The following COG5 variants were observed in gnomAD, a reference collection of about 807,000 sequenced individuals.
COG5 encodes component of oligomeric golgi complex 5, also known as conserved oligomeric Golgi complex subunit 5.
Under a neutral mutation model 110.4 loss-of-function variants are expected in COG5, and 86 were observed. That is an observed-to-expected ratio of 0.78 (90% CI 0.65 to 0.93). The LOEUF (loss-of-function observed/expected upper bound fraction) is 0.93, where lower values mean the gene tolerates loss of function less well. COG5 is among the 40% of genes least tolerant of loss of function. COG5 has a pLI of 0.00. For synonymous variants in COG5, 360 were observed against 334.6 expected, an observed-to-expected ratio of 1.08 and a Z score of -0.83; for missense variants, 1,077 against 987.0, an observed-to-expected ratio of 1.09 and a Z score of -1.22.
At chr7:107,261,895 ATTTT>A (rs372803824) in intron 14 of COG5, among the ~76,000 whole-genome samples, 3 of 138,916 alleles carry the variant, frequency 2.2e-5, no homozygotes, top group African/African-American at 7.9e-5. Flanking sequence ...CTTCTCTTTG[ATTTT>A]TTTTTTTTTT....
At chr7:107,515,313 G>T (rs1303862919) in intron 6 of COG5, among the ~76,000 whole-genome samples, 3 of 151,900 alleles carry the variant, frequency 2.0e-5, no homozygotes, top group African/African-American at 7.3e-5. Flanking sequence ...TAAAAATCTT[G>T]CTAGATATAT....
intron 11 of COG5, among the ~76,000 whole-genome samples, chr7:107,323,740 A>G (rs1809515215): frequency 6.6e-6 from 1 of 152,036 alleles, no homozygotes. Context: ...CAGTGGCTAA[A>G]TAATATTTAG....
intron 6 of COG5, among the ~76,000 whole-genome samples, chr7:107,426,687 A>G (rs974521099): frequency 6.6e-6 from 1 of 152,178 alleles, no homozygotes; most frequent in Admixed American, 6.5e-5. Flanking sequence ...ATTAGGAGGT[A>G]AGAATTTCAA....
intron 5 of COG5, among the ~76,000 whole-genome samples, chr7:107,539,332 T>A (rs1428019085): frequency 6.6e-6 from 1 of 152,212 alleles, no homozygotes; most frequent in Non-Finnish European, 1.5e-5. Flanking sequence ...GTTCTTTTAC[T>A]TAAAGTTGCA....
chr7:107,340,631 A>G (rs939004863), intron 10 of COG5, among the ~76,000 whole-genome samples: 1 of 152,226 alleles, frequency 6.6e-6, no homozygotes, highest in Non-Finnish European at 1.5e-5. Context: ...AAAAATTCCC[A>G]ACAAAATACT....
At chr7:107,364,430 A>T (rs1346291200) in intron 8 of COG5, among the ~76,000 whole-genome samples, 1 of 152,226 alleles carries the variant, frequency 6.6e-6, no homozygotes, top group Non-Finnish European at 1.5e-5. Flanking sequence ...TAAAATTTTG[A>T]GTATGAACTG....
chr7:107,513,028 A>G (rs1327488561), intron 6 of COG5, among the ~76,000 whole-genome samples: 1 of 152,142 alleles, frequency 6.6e-6, no homozygotes, highest in African/African-American at 2.4e-5. Flanking sequence ...AATGGCAACA[A>G]AAGACAAAAT....
intron 11 of COG5, among the ~76,000 whole-genome samples, chr7:107,320,058 T>G (rs1353436340): frequency 6.6e-6 from 1 of 152,132 alleles, no homozygotes; most frequent in Non-Finnish European, 1.5e-5. Flanking sequence ...GAGTGTGACA[T>G]GTTGGAAAAG....
intron 10 of COG5, among the ~76,000 whole-genome samples, chr7:107,337,107 T>TA (rs1810769295): frequency 6.6e-6 from 1 of 152,050 alleles, no homozygotes. Flanking sequence ...GATATGACCT[T>TA]ACCCCAGTTA....
At chr7:107,533,221 C>T (rs368135298) in intron 5 of COG5, among the ~76,000 whole-genome samples, 1 of 150,016 alleles carries the variant, frequency 6.7e-6, no homozygotes, top group East Asian at 2.0e-4. Flanking sequence ...AAAACCAGCA[C>T]AAAAAGGCTG....
intron 7 of COG5, among the ~76,000 whole-genome samples, chr7:107,377,372 T>C (rs924416224): frequency 7.2e-5 from 11 of 152,220 alleles, no homozygotes; most frequent in East Asian, 1.9e-4. Flanking sequence ...ATACTTAATA[T>C]TGTCTTAACT....
At chr7:107,293,360 C>G (rs1011947234) in intron 12 of COG5, among the ~76,000 whole-genome samples, 3 of 152,030 alleles carry the variant, frequency 2.0e-5, no homozygotes, top group Non-Finnish European at 2.9e-5. Context: ...AGGAAGAGAG[C>G]CTTCCAGCTG....
intron 7 of COG5, among the ~76,000 whole-genome samples, chr7:107,382,433 C>CT (rs989340354): frequency 3.9e-5 from 6 of 152,078 alleles, no homozygotes; most frequent in Non-Finnish European, 7.4e-5. Context: ...GTCTGTTTTT[C>CT]TTTTTTTCTT....
intron 5 of COG5, among the ~76,000 whole-genome samples, chr7:107,545,855 C>A (rs2129171452): frequency 6.7e-6 from 1 of 148,176 alleles, no homozygotes; most frequent in Non-Finnish European, 1.5e-5. Context: ...CAGACTTTAA[C>A]TACACTCTAA....
chr7:107,273,795 T>A (rs910509937), intron 14 of COG5, among the ~76,000 whole-genome samples: 1 of 151,936 alleles, frequency 6.6e-6, no homozygotes, highest in African/African-American at 2.4e-5. Context: ...TAAAAAAACT[T>A]CATATTCTGG....
At chr7:107,556,232 G>A (rs1214611912) in intron 2 of COG5, among the ~76,000 whole-genome samples, 3 of 152,224 alleles carry the variant, frequency 2.0e-5, no homozygotes, top group Non-Finnish European at 2.9e-5. Flanking sequence ...CTTCAACTCC[G>A]TCCACTAGCT....
chr7:107,539,795 A>G (rs1429500073), intron 5 of COG5, among the ~76,000 whole-genome samples: 1 of 152,206 alleles, frequency 6.6e-6, no homozygotes, highest in Non-Finnish European at 1.5e-5. Flanking sequence ...TTACTTTTCC[A>G]TTTTAAACAA....
intron 19 of COG5, among the ~76,000 whole-genome samples, chr7:107,224,653 A>G (rs1048576831): frequency 6.6e-6 from 1 of 152,220 alleles, no homozygotes; most frequent in African/African-American, 2.4e-5. Flanking sequence ...TATACTGACA[A>G]TGTCAAGGGT....
At chr7:107,206,274 CAT>C (rs1232054526) in intron 21 of COG5, among the ~76,000 whole-genome samples, 6 of 152,134 alleles carry the variant, frequency 3.9e-5, no homozygotes, top group Non-Finnish European at 8.8e-5. Flanking sequence ...TTTTAAATAA[CAT>C]GTAAGTTCAT....
Sources: allele counts gnomAD v4.1 joint callset (sites outside exome capture counted in the v4.1 genomes callset), GRCh38; gene constraint gnomAD v4.1.1; transcripts MANE v1.5; gene names NCBI Gene and HGNC (gene_info 2026-07-23, HGNC 2026-07-21).